TANGO2: variants seen among roughly 807,000 people sequenced by gnomAD.
The protein encoded by TANGO2 is transport and Golgi organization protein 2 homolog.
In TANGO2, 26 loss-of-function variants were observed where a neutral mutation model predicts 39.1. The ratio of observed to expected loss-of-function variants is 0.67; its 90% CI spans 0.49 to 0.92. The LOEUF (loss-of-function observed/expected upper bound fraction) is 0.92. Ranked by LOEUF, TANGO2 falls within the 40% of genes least tolerant of loss-of-function variation. The pLI, the probability that TANGO2 is intolerant of heterozygous loss-of-function variation, is 0.00. For missense variants in TANGO2, 326 were observed against 360.1 expected, an observed-to-expected ratio of 0.91 and a Z score of 0.77; for synonymous variants, 131 against 144.5, an observed-to-expected ratio of 0.91 and a Z score of 0.67.
At chr22:20,033,139 AG>A (rs2042181764) in intron 1 of TANGO2, 1 of 495,572 alleles carries the variant, frequency 2.0e-6, no homozygotes. Flanking sequence ...TGGCTCGAGC[AG>A]GGGGCGAGGG....
At chr22:20,061,792 C>A (rs1433660874) in intron 7 of TANGO2, 109 bp downstream of exon 7, 6 of 1,361,672 alleles carry the variant, frequency 4.4e-6, no homozygotes, top group African/African-American at 1.5e-5. Flanking sequence ...CAGGCTGGGT[C>A]CCCAGCTGCA....
intron 1 of TANGO2, among the ~76,000 whole-genome samples, chr22:20,031,636 G>A (rs1029701907): frequency 6.6e-6 from 1 of 152,216 alleles, no homozygotes; most frequent in Admixed American, 6.5e-5. Flanking sequence ...CTTTCAAGAT[G>A]ATGTTTCTAG....
At chr22:20,064,401 G>C in intron 8 of TANGO2, 141 bp from the exon 9 acceptor site, 1 of 1,017,952 alleles carries the variant, frequency 9.8e-7, no homozygotes, top group Non-Finnish European at 1.5e-6. Flanking sequence ...GACTGAGGCT[G>C]CTGCTCTCTG....
intron 7 of TANGO2, 62 bp from the exon 8 acceptor site, chr22:20,063,276 T>A: frequency 6.6e-7 from 1 of 1,518,712 alleles, no homozygotes. Flanking sequence ...GGGCTGGGGC[T>A]AGACCCGGCT....
At chr22:20,045,513 T>A (rs1408692082) in intron 3 of TANGO2, among the ~76,000 whole-genome samples, 1 of 149,858 alleles carries the variant, frequency 6.7e-6, no homozygotes, top group Non-Finnish European at 1.5e-5. Context: ...TTTTTTTTTT[T>A]TTTTTTTGAG....
Position 20,057,359 on chromosome 22 carries a change from C to T in TANGO2, c.451+1346C>T, listed in dbSNP as rs1047975217. On this transcript the variant is annotated intron_variant, in intron 6 of 8. Transcript: ENST00000327374. The surrounding 1 kb of genome is among the most constrained non-coding windows in gnomAD (Gnocchi z 4.1). ...CATTTGCTAGGGTGGTGCCCAGACCCGAACCCCTGGGCTAGTTGGGATCTC... is the reference window on the plus strand; with the variant it reads ...CATTTGCTAGGGTGGTGCCCAGACCTGAACCCCTGGGCTAGTTGGGATCTC... 6.6e-6 allele frequency among the ~76,000 whole-genome samples: 1 copy of T among 152,186 alleles called. No individual in the cohort carries two copies. The highest frequency in any genetic ancestry group is 6.5e-5 in the Admixed American group (1 of 15,282).
chr22:20,044,847 T>C (rs2044792283), intron 3 of TANGO2, among the ~76,000 whole-genome samples: 3 of 152,210 alleles, frequency 2.0e-5, no homozygotes, highest in Admixed American at 2.0e-4. Context: ...CCTTGACTAT[T>C]GTGCCCTCCT....
At chr22:20,018,246 C>T (rs1419464168), upstream of TANGO2, among the ~76,000 whole-genome samples, 2 of 152,218 alleles carry the variant, frequency 1.3e-5, no homozygotes, top group Non-Finnish European at 2.9e-5. Flanking sequence ...TGCCAATTGG[C>T]CTCCTGGCAT....
At chr22:20,027,383 C>T (rs571545355) in intron 1 of TANGO2, among the ~76,000 whole-genome samples, 19 of 152,248 alleles carry the variant, frequency 1.2e-4, no homozygotes, top group African/African-American at 4.6e-4. Context: ...CTTGATGGGA[C>T]GAAGACACCA....
intron 2 of TANGO2, among the ~76,000 whole-genome samples, chr22:20,042,855 C>A (rs921242746): frequency 6.6e-6 from 1 of 152,210 alleles, no homozygotes; most frequent in Non-Finnish European, 1.5e-5. Context: ...CCACTCCCAA[C>A]CAACCCGAGA....
At chr22:20,036,622 G>T in intron 1 of TANGO2, 138 bp from the exon 2 acceptor site, 1 of 719,312 alleles carries the variant, frequency 1.4e-6, no homozygotes, top group East Asian at 2.6e-5. Flanking sequence ...CCAAGAGTGT[G>T]GTGTCCAGTT....
At chr22:20,038,198 T>C (rs1487449994) in intron 2 of TANGO2, among the ~76,000 whole-genome samples, 1 of 152,168 alleles carries the variant, frequency 6.6e-6, no homozygotes, top group Non-Finnish European at 1.5e-5. Context: ...ATAGAAGCAG[T>C]CGTCTGCATA....
chr22:20,041,690 C>A (rs1017431142), intron 2 of TANGO2, among the ~76,000 whole-genome samples: 2 of 152,150 alleles, frequency 1.3e-5, no homozygotes, highest in Non-Finnish European at 2.9e-5. Context: ...TCATGATCCA[C>A]CCACCTCGGC....
In TANGO2 at chr22:20,065,051, G is replaced by C; in HGVS notation, c.*389G>C. 4.3e-6 allele frequency: 1 copy of C among 232,494 alleles called. No individual in the cohort carries two copies. Among genetic ancestry groups the C allele is most frequent in the Non-Finnish European group, 8.6e-6 (1 of 116,350 alleles). 14.4% of individuals were successfully genotyped at this position (232,494 alleles called of 1,614,324 possible). ...GACACAGGCACATGTACGTGCACAG[G>C]TGTGCTACACATGTGCACACATGCA... On this transcript the variant is annotated 3_prime_UTR_variant, in exon 9 of 9. Transcript: ENST00000327374.
chr22:20,061,871 G>A, intron 7 of TANGO2, 188 bp downstream of exon 7: 1 of 724,948 alleles, frequency 1.4e-6, no homozygotes, highest in Non-Finnish European at 2.2e-6. Context: ...CAACACCAGG[G>A]ACTTTTGATG....
rs762538745 is a variant in TANGO2 at position 20,061,637 on chromosome 22, G to T, written c.559G>T (p.Asp187Tyr). The part of the protein sequence containing the change: ...AVERSQALPK[D>Y]VLIASLLDVL... ...GGAACGGAGCCAGGCGCTGCCCAAGGATGTGCTCATCGCCAGCCTCCTGGA... is the reference window on the plus strand; with the variant it reads ...GGAACGGAGCCAGGCGCTGCCCAAGTATGTGCTCATCGCCAGCCTCCTGGA... The change falls in exon 7 of 9, where the codon GAT (aspartate) becomes TAT (tyrosine). Residue 187 changes from aspartate (D) to tyrosine (Y), a missense_variant. Coordinates refer to ENST00000327374, the MANE Select transcript of TANGO2 (RefSeq NM_152906.7). The T allele has an allele frequency of 5.1e-6, 8 of 1,566,208 alleles. No individual in the cohort carries two copies. The highest frequency in any genetic ancestry group is 6.9e-6 in the Non-Finnish European group (8 of 1,154,906).
upstream of TANGO2, chr22:20,017,328 C>T (rs779320852): frequency 2.6e-5 from 4 of 152,300 alleles, no homozygotes; most frequent in Non-Finnish European, 4.4e-5. Flanking sequence ...GAAACAGCCT[C>T]AGAGAGGTTC....
At chr22:20,048,656 TTC>T (rs1368738498) in intron 3 of TANGO2, among the ~76,000 whole-genome samples, 2 of 152,028 alleles carry the variant, frequency 1.3e-5, no homozygotes, top group Non-Finnish European at 2.9e-5. Flanking sequence ...TTTTTTTTTT[TTC>T]TTTTGAGTGG....
chr22:20,038,171 C>G (rs2043212724), intron 2 of TANGO2, among the ~76,000 whole-genome samples: 1 of 152,196 alleles, frequency 6.6e-6, no homozygotes, highest in Non-Finnish European at 1.5e-5. Flanking sequence ...ACAGGGGAAG[C>G]TGGTGTGTAT....
Sources: gnomAD v4.1 joint callset for allele counts (sites outside exome capture counted in the v4.1 genomes callset) on GRCh38, gnomAD v4.1.1 for gene constraint, Gnocchi (gnomAD v3.1) non-coding constraint, MANE v1.5 for transcripts, NCBI Gene and HGNC (gene_info 2026-07-23, HGNC 2026-07-21) for gene names.